Variants in DNAJB4 observed in about 807,000 individuals in gnomAD.
DNAJB4 encodes the protein DnaJ heat shock protein family (Hsp40) member B4.
Under a neutral mutation model 26.6 loss-of-function variants are expected in DNAJB4, and 10 were observed. The observed-to-expected ratio is 0.38, with a 90% CI of 0.23 to 0.64. DNAJB4 has a LOEUF of 0.64. Among genes scored for constraint, DNAJB4 ranks in the 30% least tolerant of loss-of-function variants. The pLI, the probability that DNAJB4 is intolerant of heterozygous loss-of-function variation, is 0.58. For synonymous variants in DNAJB4, 136 were observed against 134.8 expected (o/e 1.01, Z -0.06); for missense variants, 328 against 408.2 (o/e 0.80, Z 1.69).
At chr1:78,015,884 T>C in intron 2 of DNAJB4, 130 bp from the exon 3 acceptor site, 3 of 833,450 alleles carry the variant, frequency 3.6e-6, no homozygotes, top group East Asian at 5.4e-5. Flanking sequence ...AAAAAATTTA[T>C]AACTATTGTT....
chr1:77,982,166 C>G (rs1369751827), intron 1 of DNAJB4, among the ~76,000 whole-genome samples: 3 of 152,170 alleles, frequency 2.0e-5, no homozygotes, highest in Non-Finnish European at 2.9e-5. Context: ...CAAATATGCA[C>G]TAATATACTT....
At chr1:77,994,806 G>A (rs1660022612) in intron 1 of DNAJB4, among the ~76,000 whole-genome samples, 2 of 152,020 alleles carry the variant, frequency 1.3e-5, no homozygotes, top group African/African-American at 4.8e-5. Flanking sequence ...TAAGTGTAAA[G>A]TATTATTTTG....
intron 1 of DNAJB4, among the ~76,000 whole-genome samples, chr1:77,999,635 T>TTTA (rs1660144849): frequency 6.6e-6 from 1 of 152,148 alleles, no homozygotes; most frequent in Non-Finnish European, 1.5e-5. Flanking sequence ...AGCAAAATAG[T>TTTA]TTATATAGCT....
At chr1:77,992,023 C>T (rs1177024900) in intron 1 of DNAJB4, among the ~76,000 whole-genome samples, 1 of 152,172 alleles carries the variant, frequency 6.6e-6, no homozygotes, top group Non-Finnish European at 1.5e-5. Flanking sequence ...CCCTTAGGGG[C>T]AGTGATTCAC....
intron 1 of DNAJB4, among the ~76,000 whole-genome samples, chr1:77,997,736 GTCTT>G (rs746612910): frequency 6.6e-6 from 1 of 152,010 alleles, no homozygotes; most frequent in South Asian, 2.1e-4. Flanking sequence ...CTGTTCTGAA[GTCTT>G]TCCTATCCCC....
chr1:77,991,440 T>G (rs1659929457), intron 1 of DNAJB4, among the ~76,000 whole-genome samples: 1 of 152,006 alleles, frequency 6.6e-6, no homozygotes, highest in Admixed American at 6.6e-5. Context: ...ATGTTCAGAG[T>G]GGCAAAATAT....
At chr1:77,988,211 C>G (rs1392779554) in intron 1 of DNAJB4, among the ~76,000 whole-genome samples, 2 of 151,832 alleles carry the variant, frequency 1.3e-5, no homozygotes, top group Non-Finnish European at 2.9e-5. Context: ...TTTGTAGAGG[C>G]AGAGTATTGT....
At chr1:78,002,018 C>G (rs988164972), upstream of DNAJB4, among the ~76,000 whole-genome samples, 8 of 152,158 alleles carry the variant, frequency 5.3e-5, no homozygotes, top group African/African-American at 1.7e-4. Context: ...TTGTTCTCTT[C>G]AAACTTTCCG....
Position 78,016,340 on chromosome 1 carries a change from A to AATTTACACATC in DNAJB4, c.*93_*94insATTTACACATC. Reference sequence around the variant, plus strand: ...ATGTAGATGTGAATTCTGTATAAAGATGTGTAAATTCTTTTGAGGGTTCAT... The same window carrying AATTTACACATC: ...ATGTAGATGTGAATTCTGTATAAAGAATTTACACATCTGTGTAAATTCTTTTGAGGGTTCAT... On this transcript the variant is annotated 3_prime_UTR_variant, in exon 3 of 3. Coordinates refer to ENST00000370763, the MANE Select transcript of DNAJB4 (RefSeq NM_007034.5). 2 of 1,094,906 alleles carry AATTTACACATC rather than the reference A, an allele frequency of 1.8e-6. No homozygotes were observed. Among genetic ancestry groups the AATTTACACATC allele is most frequent in the South Asian group, 1.6e-5 (1 of 63,758 alleles). 67.8% of individuals were successfully genotyped at this position (1,094,906 alleles called of 1,614,324 possible). A position where few individuals can be genotyped will look rare whatever the true frequency, so the allele number is the denominator to read the frequency against.
chr1:78,012,049 T>G (rs1660493251), intron 1 of DNAJB4, among the ~76,000 whole-genome samples: 1 of 148,936 alleles, frequency 6.7e-6, no homozygotes, highest in Non-Finnish European at 1.5e-5. Flanking sequence ...TGACATCTTT[T>G]AAAAACTTAT....
At chr1:78,008,580 G>A (rs377564211) in intron 1 of DNAJB4, among the ~76,000 whole-genome samples, 3 of 152,206 alleles carry the variant, frequency 2.0e-5, no homozygotes, top group South Asian at 2.1e-4. Context: ...CCTAGGACTT[G>A]AGGTGGGAGC....
chr1:78,005,826 TTTA>T (rs1267829684), intron 1 of DNAJB4, among the ~76,000 whole-genome samples: 1 of 152,216 alleles, frequency 6.6e-6, no homozygotes, highest in Non-Finnish European at 1.5e-5. Context: ...GCAAGGCTAG[TTTA>T]GACTGAACAA....
chr1:78,003,725 T>C (rs1660247915), upstream of DNAJB4, among the ~76,000 whole-genome samples: 1 of 152,110 alleles, frequency 6.6e-6, no homozygotes, highest in Admixed American at 6.5e-5. Context: ...GTTATATACA[T>C]AGAAAATGTC....
chr1:78,007,599 A>C (rs554744242), intron 1 of DNAJB4, among the ~76,000 whole-genome samples: 1 of 152,310 alleles, frequency 6.6e-6, no homozygotes, highest in Admixed American at 6.5e-5. Flanking sequence ...AAAAGGAAAA[A>C]AAGAAAATAC....
intron 1 of DNAJB4, among the ~76,000 whole-genome samples, chr1:78,007,442 G>T (rs1436462710): frequency 6.6e-6 from 1 of 152,024 alleles, no homozygotes; most frequent in Non-Finnish European, 1.5e-5. Flanking sequence ...TTAGCTAGGT[G>T]TGGTGGCAGA....
chr1:77,984,549 A>G (rs917488609), intron 1 of DNAJB4, among the ~76,000 whole-genome samples: 4 of 152,102 alleles, frequency 2.6e-5, no homozygotes, highest in Admixed American at 6.6e-5. Flanking sequence ...ATATTTGAGG[A>G]ATTAAAGTGA....
chr1:78,013,139 A>G lies in DNAJB4; in HGVS notation c.300A>G (p.Ala100=), dbSNP rs1660537881. 1 of 1,614,128 alleles carries G rather than the reference A, an allele frequency of 6.2e-7. No homozygotes were observed. The highest frequency in any genetic ancestry group is 8.5e-7 in the Non-Finnish European group (1 of 1,180,026). The change falls in exon 2 of 3, where the codon GCA becomes GCG. Residue 100 remains alanine, a synonymous_variant. Coordinates refer to ENST00000370763, the MANE Select transcript of DNAJB4 (RefSeq NM_007034.5). ...FHGDPHATFA[A]FFGGSNPFEI... Reference sequence around the variant, plus strand: ...GCGATCCTCATGCTACATTTGCTGCATTTTTCGGAGGGTCCAACCCCTTTG... The same window carrying G: ...GCGATCCTCATGCTACATTTGCTGCGTTTTTCGGAGGGTCCAACCCCTTTG...
Position 78,016,094 on chromosome 1 carries a change from C to G in DNAJB4, c.861C>G (p.Pro287=). Residue 287 remains proline (P), a synonymous_variant, in exon 3 of 3, where the codon CCC becomes CCG. Coordinates refer to ENST00000370763, the MANE Select transcript of DNAJB4 (RefSeq NM_007034.5). The part of the protein sequence containing the change: ...IPMSVNDIVK[P]GMRRRIIGYG... ...TGTCAGTAAATGATATTGTGAAACC[C>G]GGAATGAGGAGAAGAATTATTGGAT... 7 of 1,613,900 alleles carry G rather than the reference C, an allele frequency of 4.3e-6. No individual in the cohort carries two copies. Among genetic ancestry groups the G allele is most frequent in the Non-Finnish European group, 5.9e-6 (7 of 1,179,980 alleles).
intron 1 of DNAJB4, among the ~76,000 whole-genome samples, chr1:77,995,304 A>G (rs1237125726): frequency 6.6e-6 from 1 of 152,206 alleles, no homozygotes; most frequent in Non-Finnish European, 1.5e-5. Flanking sequence ...TTGCATTTGT[A>G]GCTTGCTTTA....
Sources: allele counts gnomAD v4.1 joint callset (sites outside exome capture counted in the v4.1 genomes callset), GRCh38; gene constraint gnomAD v4.1.1; transcripts MANE v1.5; gene names NCBI Gene and HGNC (gene_info 2026-07-23, HGNC 2026-07-21).